Variants in CNTNAP2 observed in about 807,000 individuals in gnomAD.
CNTNAP2 encodes the protein contactin-associated protein-like 2.
CNTNAP2 carries 98 observed loss-of-function variants against 155.2 expected under a neutral mutation model. The ratio of observed to expected loss-of-function variants is 0.63; its 90% CI spans 0.54 to 0.75. The LOEUF is 0.75. Among genes scored for constraint, CNTNAP2 ranks in the 30% least tolerant of loss-of-function variants. The pLI, the probability that CNTNAP2 is intolerant of heterozygous loss-of-function variation, is 0.00. For synonymous variants in CNTNAP2, 651 were observed against 631.2 expected (o/e 1.03, Z -0.47); for missense variants, 1,727 against 1,688.1 (o/e 1.02, Z -0.40).
chr7:147,195,073 A>C (rs1033662908), intron 8 of CNTNAP2, among the ~76,000 whole-genome samples: 3 of 152,116 alleles, frequency 2.0e-5, no homozygotes, highest in Admixed American at 6.5e-5. Flanking sequence ...TTAAGTCTTT[A>C]ATCCATCTTG....
chr7:146,381,345 T>C (rs7777196), intron 1 of CNTNAP2, among the ~76,000 whole-genome samples: 152,139 of 152,314 alleles, frequency 1, 75,983 homozygotes, highest in Middle Eastern at 1. Flanking sequence ...AGAGTTACAA[T>C]ATTAATCAAA....
rs2116714558 is a variant in CNTNAP2, at chr7:146,118,994, T to A, written c.97+2021T>A. ...TGCTACAGAACTTTATTGATTAGAA[T>A]GAGTTTCATGGATTCAGTACTTTAA... is the stretch of plus-strand genomic sequence containing the variant. On this transcript the variant is annotated intron_variant, in intron 1 of 23. Transcript: ENST00000361727. 1.3e-5 allele frequency among the ~76,000 whole-genome samples: 2 copies of A among 152,262 alleles called. 1 individual carries two copies. Among genetic ancestry groups the A allele is most frequent in the Middle Eastern group, 6.8e-3 (2 of 294 alleles).
chr7:148,111,075 A>T (rs28641891), intron 15 of CNTNAP2, among the ~76,000 whole-genome samples: 21,227 of 152,116 alleles, frequency 0.14, 1,659 homozygotes, highest in African/African-American at 0.19. Context: ...TGAAGCCCAA[A>T]CATCAAATCC....
At chr7:147,189,005 A>G (rs539679490) in intron 8 of CNTNAP2, among the ~76,000 whole-genome samples, 229 of 152,330 alleles carry the variant, frequency 1.5e-3, no homozygotes, top group African/African-American at 5.2e-3. Flanking sequence ...GTAAATCCTC[A>G]GGTGAACTCA....
At chr7:147,877,629 C>A (rs1799444976) in intron 13 of CNTNAP2, among the ~76,000 whole-genome samples, 1 of 152,040 alleles carries the variant, frequency 6.6e-6, no homozygotes. Flanking sequence ...TGTTCCTCCT[C>A]CTAGATAAGC....
intron 11 of CNTNAP2, among the ~76,000 whole-genome samples, chr7:147,523,902 G>A (rs947846623): frequency 6.6e-6 from 1 of 152,110 alleles, no homozygotes; most frequent in Non-Finnish European, 1.5e-5. Flanking sequence ...TCACTCACTT[G>A]CCCCTAATAC....
At chr7:146,159,741 A>T (rs907579819) in intron 1 of CNTNAP2, among the ~76,000 whole-genome samples, 4 of 152,180 alleles carry the variant, frequency 2.6e-5, no homozygotes, top group Admixed American at 6.5e-5. Context: ...TTCATAAAAC[A>T]AGTCCTTAGA....
chr7:146,133,420 A>G (rs1797747924), intron 1 of CNTNAP2, among the ~76,000 whole-genome samples: 1 of 152,118 alleles, frequency 6.6e-6, no homozygotes, highest in East Asian at 1.9e-4. Context: ...TAGTTTAATT[A>G]GATCCCATTT....
intron 1 of CNTNAP2, among the ~76,000 whole-genome samples, chr7:146,651,424 C>A (rs932852838): frequency 6.6e-6 from 1 of 152,058 alleles, no homozygotes; most frequent in Non-Finnish European, 1.5e-5. Flanking sequence ...TGCTATTTCA[C>A]ATAACAAGAC....
intron 3 of CNTNAP2, among the ~76,000 whole-genome samples, chr7:146,968,260 T>C (rs1255697649): frequency 2.0e-5 from 3 of 152,114 alleles, no homozygotes; most frequent in Non-Finnish European, 4.4e-5. Context: ...AGGATATTGG[T>C]CTAAAATTCT....
chr7:147,562,085 G>GT, intron 11 of CNTNAP2, 53 bp from the exon 12 acceptor site: 1 of 1,612,000 alleles, frequency 6.2e-7, no homozygotes, highest in South Asian at 1.1e-5. Flanking sequence ...ACATTTATCT[G>GT]GGGAGCCATT....
At position 148,027,307 on chromosome 7, in the gene CNTNAP2, G is replaced by A. The variant is rs545093862; in HGVS notation, c.2383+49318G>A. Among the ~76,000 whole-genome samples the A allele has an allele frequency of 1.0e-3, 156 of 152,310 alleles. 1 individual carries two copies. Among genetic ancestry groups the A allele is most frequent in the Admixed American group, 2.0e-3 (31 of 15,304 alleles). ...AGTTGTCATGATAACTTAGTGAAAA[G>A]TTTAGCCAATAGAATCTATGTAGCA... On this transcript the variant is annotated intron_variant, in intron 15 of 23. Transcript: ENST00000361727.
chr7:147,504,667 C>T (rs560726180), intron 11 of CNTNAP2, among the ~76,000 whole-genome samples: 6 of 137,504 alleles, frequency 4.4e-5, no homozygotes, highest in East Asian at 2.1e-4. Context: ...GGGTCCTGGG[C>T]GACAGAATGA....
At chr7:146,893,483 A>G (rs1795819653) in intron 3 of CNTNAP2, among the ~76,000 whole-genome samples, 1 of 72,728 alleles carries the variant, frequency 1.4e-5, no homozygotes, top group African/African-American at 8.6e-5. Flanking sequence ...ACATATATAT[A>G]TATGGAGAGA....
At chr7:147,850,846 C>G (rs1006346681) in intron 13 of CNTNAP2, among the ~76,000 whole-genome samples, 1 of 152,088 alleles carries the variant, frequency 6.6e-6, no homozygotes. Flanking sequence ...CAATACCATT[C>G]AGGACATAGG....
chr7:148,336,364 GA>G (rs1798114726), intron 21 of CNTNAP2, among the ~76,000 whole-genome samples: 1 of 151,942 alleles, frequency 6.6e-6, no homozygotes, highest in Non-Finnish European at 1.5e-5. Flanking sequence ...AAAAAAGGAG[GA>G]AGGCTGAAAA....
intron 9 of CNTNAP2, among the ~76,000 whole-genome samples, chr7:147,330,598 T>C (rs1405629193): frequency 6.6e-6 from 1 of 152,194 alleles, no homozygotes; most frequent in Non-Finnish European, 1.5e-5. Flanking sequence ...CCAAATTGTA[T>C]TGAATTGTTG....
intron 15 of CNTNAP2, among the ~76,000 whole-genome samples, chr7:148,110,247 A>G (rs1444889854): frequency 6.6e-6 from 1 of 151,892 alleles, no homozygotes; most frequent in Non-Finnish European, 1.5e-5. Context: ...CCACAATTCC[A>G]CTGTACACAT....
chr7:148,044,625 C>T (rs955180456), intron 15 of CNTNAP2: 1 of 152,228 alleles, frequency 6.6e-6, no homozygotes, highest in Non-Finnish European at 1.5e-5. Context: ...AAGGCACCAT[C>T]TATGAAGCAG....
Sources: gnomAD v4.1 joint callset for allele counts (sites outside exome capture counted in the v4.1 genomes callset) on GRCh38, gnomAD v4.1.1 for gene constraint, MANE v1.5 for transcripts, NCBI Gene and HGNC (gene_info 2026-07-23, HGNC 2026-07-21) for gene names.